CLSTN1: variants seen among roughly 807,000 people sequenced by gnomAD.
CLSTN1 encodes the protein calsyntenin 1, also known as calsyntenin-1.
CLSTN1 carries 28 observed loss-of-function variants against 108.3 expected under a neutral mutation model. The observed-to-expected ratio is 0.26, with a 90% CI of 0.19 to 0.35. The LOEUF is 0.35. CLSTN1 is among the 10% of genes least tolerant of loss of function. The pLI, the probability that CLSTN1 is intolerant of heterozygous loss-of-function variation, is 1.00. For missense variants in CLSTN1, 1,157 were observed against 1,302.6 expected, an observed-to-expected ratio of 0.89 and a Z score of 1.72; for synonymous variants, 524 against 534.9, an observed-to-expected ratio of 0.98 and a Z score of 0.28.
At chr1:9,765,805 C>T (rs1652301237) in intron 2 of CLSTN1, among the ~76,000 whole-genome samples, 2 of 151,976 alleles carry the variant, frequency 1.3e-5, no homozygotes, top group African/African-American at 4.8e-5. Flanking sequence ...ATCGCTTGAA[C>T]CCGGGAGGTT....
Position 9,734,402 on chromosome 1 carries a change from C to G in CLSTN1, c.2111-260G>C, listed in dbSNP as rs1261112836. Among the ~76,000 whole-genome samples, 1 of 152,084 alleles carries G rather than the reference C, an allele frequency of 6.6e-6. No homozygotes were observed. Among genetic ancestry groups the G allele is most frequent in the Non-Finnish European group, 1.5e-5 (1 of 68,012 alleles). ...CCAGCCTGGCCAACAGGGTGAAAGC[C>G]CGTCTCTACTAAAAATACAAAAATT... On this transcript the variant is annotated intron_variant, in intron 14 of 18. Coordinates refer to ENST00000377298, the MANE Select transcript of CLSTN1 (RefSeq NM_001009566.3). The surrounding 1 kb of genome is among the most constrained non-coding windows in gnomAD (Gnocchi z 4.8).
At chr1:9,788,590 G>A (rs925082174) in intron 1 of CLSTN1, among the ~76,000 whole-genome samples, 5 of 147,532 alleles carry the variant, frequency 3.4e-5, no homozygotes, top group East Asian at 2.1e-4. Context: ...ATTTGAGGCC[G>A]GGCGCAGTGG....
rs564728676 is a variant in CLSTN1 at position 9,736,038 on chromosome 1, G to A, written c.1581C>T (p.Gly527=). ...TEPVTVASAG[G]DLHMTQFFRG... is the part of the protein sequence containing the mutation. ...GGAAAAACTGGGTCATGTGCAGGTCGCCACCTTTGGGTCAGGGGAGAAAAG... is the reference window on the plus strand; with the variant it reads ...GGAAAAACTGGGTCATGTGCAGGTCACCACCTTTGGGTCAGGGGAGAAAAG... The change falls in exon 12 of 19, where the codon GGC becomes GGT. Residue 527 remains glycine (G), a synonymous_variant. Coordinates refer to ENST00000377298, the MANE Select transcript of CLSTN1 (RefSeq NM_001009566.3). 1.5e-5 allele frequency: 25 copies of A among 1,614,090 alleles called. No individual in the cohort carries two copies. The highest frequency in any genetic ancestry group is 4.4e-5 in the South Asian group (4 of 91,084).
chr1:9,814,554 A>G (rs1185807078), intron 1 of CLSTN1, among the ~76,000 whole-genome samples: 1 of 152,240 alleles, frequency 6.6e-6, no homozygotes, highest in Admixed American at 6.5e-5. Flanking sequence ...GGACTAGAAA[A>G]AATAATTTAC....
At chr1:9,793,109 T>C (rs1653840240) in intron 1 of CLSTN1, among the ~76,000 whole-genome samples, 1 of 151,270 alleles carries the variant, frequency 6.6e-6, no homozygotes, top group Non-Finnish European at 1.5e-5. Flanking sequence ...ACCTTCCAGA[T>C]TCAAGCGATT....
intron 1 of CLSTN1, among the ~76,000 whole-genome samples, chr1:9,784,109 T>C (rs1303222135): frequency 1.4e-5 from 2 of 143,972 alleles, no homozygotes; most frequent in African/African-American, 2.6e-5. Context: ...GTGACGGAGG[T>C]TGCAATGAGC....
At chr1:9,814,211 A>G (rs1242229188) in intron 1 of CLSTN1, among the ~76,000 whole-genome samples, 1 of 149,494 alleles carries the variant, frequency 6.7e-6, no homozygotes, top group African/African-American at 2.5e-5. Context: ...GGAGTTTGAG[A>G]CCAATCTGGG....
At chr1:9,782,599 T>C (rs988779804) in intron 1 of CLSTN1, among the ~76,000 whole-genome samples, 2 of 152,202 alleles carry the variant, frequency 1.3e-5, no homozygotes, top group African/African-American at 4.8e-5. Flanking sequence ...TTTCAGTCAT[T>C]AGAAATTATT....
At chr1:9,756,790 C>CT (rs111396886) in intron 2 of CLSTN1, among the ~76,000 whole-genome samples, 3,354 of 151,774 alleles carry the variant, frequency 0.022, 140 homozygotes, top group African/African-American at 0.072. Flanking sequence ...TAGGATTTTT[C>CT]TTTTTTTTGA....
In CLSTN1 at chr1:9,730,354, G is replaced by A; in HGVS notation, c.*154C>T. ...GCAGAGGGTGGGCGGGGAGCCTAGG[G>A]TCCTACACACCAAGCACAGCGACGA... On this transcript the variant is annotated 3_prime_UTR_variant, in exon 19 of 19. Transcript: ENST00000377298. This position sits in a 1 kb window ranked among gnomAD's most constrained non-coding sequence, Gnocchi z 5.6. The A allele has an allele frequency of 6.8e-6, 5 of 737,158 alleles. No individual in the cohort carries two copies. Among genetic ancestry groups the A allele is most frequent in the Non-Finnish European group, 1.2e-5 (5 of 418,778 alleles). The allele number at this position is 737,158 out of a possible 1,614,324, so 45.7% of individuals were successfully genotyped here. A position where few individuals can be genotyped will look rare whatever the true frequency, so the allele number is the denominator to read the frequency against.
At chr1:9,738,379 G>T (rs1470942298) in intron 10 of CLSTN1, among the ~76,000 whole-genome samples, 1 of 152,166 alleles carries the variant, frequency 6.6e-6, no homozygotes, top group Non-Finnish European at 1.5e-5. Context: ...CCCCTCTATG[G>T]TGTGCTAGGG....
At chr1:9,744,143 A>G (rs1333583213) in intron 8 of CLSTN1, 138 bp from the exon 9 acceptor site, 4 of 1,265,584 alleles carry the variant, frequency 3.2e-6, no homozygotes, top group Non-Finnish European at 4.3e-6. Context: ...CAGGGCTTAG[A>G]AACAAATACA....
At chr1:9,762,452 C>G (rs1652122581) in intron 2 of CLSTN1, among the ~76,000 whole-genome samples, 1 of 143,356 alleles carries the variant, frequency 7.0e-6, no homozygotes, top group Admixed American at 6.7e-5. Flanking sequence ...CAGAGCGAGA[C>G]TCTGTCTCAA....
At chr1:9,741,979 T>C (rs1221834022) in intron 9 of CLSTN1, among the ~76,000 whole-genome samples, 5 of 152,194 alleles carry the variant, frequency 3.3e-5, no homozygotes, top group African/African-American at 1.2e-4. Context: ...ATGTATTTTC[T>C]TTTCCAACTC....
intron 1 of CLSTN1, among the ~76,000 whole-genome samples, chr1:9,777,836 C>G (rs1653031572): frequency 6.6e-6 from 1 of 152,114 alleles, no homozygotes; most frequent in African/African-American, 2.4e-5. Context: ...CAAATAATGT[C>G]TTAATATTGT....
chr1:9,761,858 C>T (rs1364916300), intron 2 of CLSTN1, among the ~76,000 whole-genome samples: 1 of 152,126 alleles, frequency 6.6e-6, no homozygotes, highest in Admixed American at 6.6e-5. Flanking sequence ...TTCTAGGTAA[C>T]TTAGCAAAAG....
intron 1 of CLSTN1, among the ~76,000 whole-genome samples, chr1:9,815,837 G>A (rs989030773): frequency 1.3e-5 from 2 of 152,208 alleles, no homozygotes; most frequent in Admixed American, 6.5e-5. Flanking sequence ...TCGGGAGGCT[G>A]AGGCAGGAGA....
intron 2 of CLSTN1, among the ~76,000 whole-genome samples, chr1:9,757,305 G>A (rs1218862932): frequency 6.7e-6 from 1 of 148,828 alleles, no homozygotes; most frequent in Non-Finnish European, 1.5e-5. Flanking sequence ...GCAGTGGCGT[G>A]ATCTCGGCTC....
intron 1 of CLSTN1, among the ~76,000 whole-genome samples, chr1:9,808,392 T>C (rs1208364259): frequency 6.6e-6 from 1 of 152,210 alleles, no homozygotes; most frequent in Non-Finnish European, 1.5e-5. Context: ...CCACTTGTTA[T>C]AGGTTAAATA....
Sources: gnomAD v4.1 joint callset for allele counts (sites outside exome capture counted in the v4.1 genomes callset) on GRCh38, gnomAD v4.1.1 for gene constraint, Gnocchi (gnomAD v3.1) non-coding constraint, MANE v1.5 for transcripts, NCBI Gene and HGNC (gene_info 2026-07-23, HGNC 2026-07-21) for gene names.